Variants in C1orf87 observed in about 807,000 individuals in gnomAD.
The protein encoded by C1orf87 is uncharacterized protein C1orf87.
C1orf87 carries 58 observed loss-of-function variants against 60.5 expected under a neutral mutation model. The ratio of observed to expected loss-of-function variants is 0.96; its 90% confidence interval spans 0.78 to 1.19. C1orf87 has a LOEUF of 1.19. Among genes scored for constraint, C1orf87 ranks in the 50% most tolerant of loss-of-function variants. C1orf87 has a pLI of 0.00. For synonymous variants in C1orf87, 236 were observed against 227.4 expected, an observed-to-expected ratio of 1.04 and a Z score of -0.34; for missense variants, 673 against 638.6, an observed-to-expected ratio of 1.05 and a Z score of -0.58.
At chr1:60,064,720 A>G (rs1289041779) in intron 2 of C1orf87, among the ~76,000 whole-genome samples, 2 of 99,890 alleles carry the variant, frequency 2.0e-5, no homozygotes, top group African/African-American at 8.2e-5. Flanking sequence ...ATATATAAAT[A>G]TATTTAAATA....
At chr1:60,051,831 C>A (rs79818819) in intron 3 of C1orf87, among the ~76,000 whole-genome samples, 1 of 152,094 alleles carries the variant, frequency 6.6e-6, no homozygotes, top group African/African-American at 2.4e-5. Flanking sequence ...TAGAATTTAA[C>A]GGAATCTGTG....
At chr1:60,042,015 G>T (rs1048863512) in intron 3 of C1orf87, among the ~76,000 whole-genome samples, 2 of 152,138 alleles carry the variant, frequency 1.3e-5, no homozygotes, top group African/African-American at 2.4e-5. Context: ...AAACCCCAGA[G>T]AAAGGCTGTG....
Position 60,033,481 on chromosome 1 carries a change from G to A in C1orf87, c.1024C>T (p.Pro342Ser). Residue 342 changes from proline to serine, a missense_variant, in exon 7 of 12, where the codon CCT (proline) becomes TCT (serine). By Grantham distance (74) the Pro-to-Ser change is moderately conservative. Coordinates refer to ENST00000371201, the MANE Select transcript of C1orf87 (RefSeq NM_152377.3). ...TGAAATTGAATTTTGGTTACCTTAG[G>A]TAGAGGGAGGCAGCCAGAGAACGAG... Reference protein sequence around the residue: ...DRSFSGCLPLPKVRAICGKHG... With the variant: ...DRSFSGCLPLSKVRAICGKHG... 2.5e-6 allele frequency: 4 copies of A among 1,613,424 alleles called. No individual in the cohort carries two copies. The highest frequency in any genetic ancestry group is 3.4e-6 in the Non-Finnish European group (4 of 1,179,622).
At chr1:59,998,856 T>C (rs1220442703) in intron 10 of C1orf87, among the ~76,000 whole-genome samples, 1 of 152,156 alleles carries the variant, frequency 6.6e-6, no homozygotes, top group Non-Finnish European at 1.5e-5. Context: ...GAAGTCTTGA[T>C]GGTGTTAGAG....
At chr1:60,000,343 T>G (rs759398845) in intron 10 of C1orf87, among the ~76,000 whole-genome samples, 16 of 152,152 alleles carry the variant, frequency 1.1e-4, no homozygotes, top group Non-Finnish European at 1.9e-4. Flanking sequence ...TTTTATAATC[T>G]TATTCACAAC....
chr1:60,072,583 T>C lies in C1orf87; in HGVS notation c.61A>G (p.Ile21Val). ...TATTGAAAGTGTTTACTTCCAATGA[T>C]TTTCACCATGATCTCAGGCATTGCA... is the stretch of plus-strand genomic sequence containing the variant. ...SDAMPEIMVK[I>V]IGSKHFQYLV... Residue 21 changes from isoleucine to valine, a missense_variant, in exon 2 of 12, where the codon ATC becomes GTC. Ile to Val is a conservative substitution (Grantham distance 29, BLOSUM62 3). Transcript: ENST00000371201. 4 of 1,613,248 alleles carry C rather than the reference T, an allele frequency of 2.5e-6. No individual in the cohort carries two copies. The highest frequency in any genetic ancestry group is 3.4e-6 in the Non-Finnish European group (4 of 1,179,922).
At chr1:60,045,325 AG>A (rs1574319075) in intron 3 of C1orf87, among the ~76,000 whole-genome samples, 2 of 152,232 alleles carry the variant, frequency 1.3e-5, no homozygotes, top group Admixed American at 6.5e-5. Context: ...ATGTAGACTT[AG>A]AAAAAAATGT....
At chr1:60,008,199 G>A (rs1645059443) in intron 9 of C1orf87, among the ~76,000 whole-genome samples, 1 of 151,998 alleles carries the variant, frequency 6.6e-6, no homozygotes, top group Admixed American at 6.6e-5. Flanking sequence ...AAAAATTAGT[G>A]ATGTGTTGCC....
intron 7 of C1orf87, among the ~76,000 whole-genome samples, chr1:60,032,415 G>T (rs1645244841): frequency 6.8e-6 from 1 of 146,682 alleles, no homozygotes; most frequent in African/African-American, 2.5e-5. Context: ...GATTCAATTG[G>T]CCTCTTTGAG....
chr1:60,058,378 A>C (rs1366279563), intron 2 of C1orf87, among the ~76,000 whole-genome samples: 2 of 152,210 alleles, frequency 1.3e-5, no homozygotes, highest in African/African-American at 4.8e-5. Context: ...TTGTATCTCT[A>C]TAAAGTATTA....
chr1:60,056,685 C>G (rs1485253017), intron 2 of C1orf87, among the ~76,000 whole-genome samples: 1 of 152,184 alleles, frequency 6.6e-6, no homozygotes, highest in African/African-American at 2.4e-5. Flanking sequence ...TAGCGTATTA[C>G]ATTACACTCT....
intron 3 of C1orf87, among the ~76,000 whole-genome samples, chr1:60,048,185 T>C (rs1645386832): frequency 6.6e-6 from 1 of 152,150 alleles, no homozygotes; most frequent in South Asian, 2.1e-4. Flanking sequence ...TCAATCTCTC[T>C]CGGATCACTC....
At chr1:60,037,879 A>T in intron 6 of C1orf87, 113 bp downstream of exon 6, 1 of 579,734 alleles carries the variant, frequency 1.7e-6, no homozygotes, top group Non-Finnish European at 3.0e-6. Flanking sequence ...CAGCACTGTG[A>T]TTCATACATT....
At chr1:60,050,064 C>T (rs111824612) in intron 3 of C1orf87, among the ~76,000 whole-genome samples, 8 of 152,146 alleles carry the variant, frequency 5.3e-5, no homozygotes, top group South Asian at 2.1e-4. Flanking sequence ...GTGCTGCTCT[C>T]CTTTTCAGGG....
At chr1:60,006,190 A>G (rs185234383) in intron 9 of C1orf87, among the ~76,000 whole-genome samples, 2 of 152,158 alleles carry the variant, frequency 1.3e-5, no homozygotes, top group Admixed American at 1.3e-4. Flanking sequence ...TAGTTGAGGG[A>G]CTACCATATA....
At chr1:60,063,798 T>C (rs1466296875) in intron 2 of C1orf87, among the ~76,000 whole-genome samples, 2 of 152,170 alleles carry the variant, frequency 1.3e-5, no homozygotes, top group Non-Finnish European at 2.9e-5. Flanking sequence ...GTATATGGGT[T>C]CCCTGATCCT....
intron 3 of C1orf87, among the ~76,000 whole-genome samples, chr1:60,045,453 A>G (rs1645359348): frequency 6.6e-6 from 1 of 152,206 alleles, no homozygotes; most frequent in Admixed American, 6.5e-5. Context: ...AACAATGTAT[A>G]CTTTGTTTAC....
At chr1:60,072,937 C>T (rs1397959795) in intron 1 of C1orf87, among the ~76,000 whole-genome samples, 1 of 152,184 alleles carries the variant, frequency 6.6e-6, no homozygotes, top group Non-Finnish European at 1.5e-5. Flanking sequence ...TTGGGAATCT[C>T]ACCTAAGAGG....
Position 60,055,449 on chromosome 1 carries a change from A to C in C1orf87, c.108-11T>G, listed in dbSNP as rs1339203114. On this transcript the variant is annotated splice_polypyrimidine_tract_variant and intron_variant, in intron 2 of 11. Transcript: ENST00000371201. ...CTGTCATTCTCCTTGCTGTGAAGAA[A>C]GAATTGTATACTTTGTTACTTACAG... The C allele has an allele frequency of 1.2e-6, 2 of 1,610,120 alleles. No individual in the cohort carries two copies. The highest frequency in any genetic ancestry group is 4.5e-5 in the East Asian group (2 of 44,870).
Sources: gnomAD v4.1 joint callset for allele counts (sites outside exome capture counted in the v4.1 genomes callset) on GRCh38, gnomAD v4.1.1 for gene constraint, MANE v1.5 for transcripts, NCBI Gene and HGNC (gene_info 2026-07-23, HGNC 2026-07-21) for gene names.